PRKN: variants seen among roughly 807,000 people sequenced by gnomAD.
The protein encoded by PRKN is E3 ubiquitin-protein ligase parkin.
PRKN carries 56 observed loss-of-function variants against 59.5 expected under a neutral mutation model. That is an observed-to-expected ratio of 0.94 (90% CI 0.76 to 1.18). The LOEUF (loss-of-function observed/expected upper bound fraction) is 1.18, where lower values mean the gene tolerates loss of function less well. PRKN is among the 50% of genes most tolerant of loss of function. PRKN has a pLI of 0.00. For synonymous variants in PRKN, 250 were observed against 222.1 expected (o/e 1.13, Z -1.12); for missense variants, 657 against 596.4 (o/e 1.10, Z -1.06).
At chr6:161,506,133 C>G (rs545955853) in intron 9 of PRKN, among the ~76,000 whole-genome samples, 24 of 151,088 alleles carry the variant, frequency 1.6e-4, no homozygotes, top group African/African-American at 5.9e-4. Flanking sequence ...GCCATTTTCA[C>G]GATATTGATT....
At chr6:162,396,137 T>C (rs1437519049) in intron 2 of PRKN, among the ~76,000 whole-genome samples, 1 of 152,088 alleles carries the variant, frequency 6.6e-6, no homozygotes, top group East Asian at 1.9e-4. Flanking sequence ...GCTTTTGTTT[T>C]CACTTCCAGG....
chr6:162,407,889 C>G (rs1302238152), intron 2 of PRKN, among the ~76,000 whole-genome samples: 1 of 149,912 alleles, frequency 6.7e-6, no homozygotes, highest in Non-Finnish European at 1.5e-5. Context: ...ACTACATTTT[C>G]TATTCATTTG....
In PRKN at chr6:162,029,830, A is replaced by G. The variant is rs544939221; in HGVS notation, c.618+24261T>C. Among the ~76,000 whole-genome samples, 19 of 152,338 alleles carry G rather than the reference A, an allele frequency of 1.2e-4. 1 individual carries two copies. The South Asian group carries it at 3.5e-3, about 28-fold the overall frequency. On this transcript the variant is annotated intron_variant, in intron 5 of 11. Transcript: ENST00000366898. Reference sequence around the variant, plus strand: ...ATTATGACATCTCAGTAATTTATGAAAATAGCAAATGCTAGTCCCATGCTT... The same window carrying G: ...ATTATGACATCTCAGTAATTTATGAGAATAGCAAATGCTAGTCCCATGCTT...
intron 6 of PRKN, among the ~76,000 whole-genome samples, chr6:161,888,790 C>G (rs78031131): frequency 0.091 from 13,812 of 152,128 alleles, 893 homozygotes; most frequent in African/African-American, 0.18. Flanking sequence ...CATTAACCCT[C>G]CTAACTTTTC....
At chr6:161,639,766 G>T (rs1170397026) in intron 7 of PRKN, among the ~76,000 whole-genome samples, 1 of 152,198 alleles carries the variant, frequency 6.6e-6, no homozygotes, top group Non-Finnish European at 1.5e-5. Flanking sequence ...CTCTGTCTCA[G>T]TTGGTTCAGA....
At chr6:161,660,303 G>A (rs2128165202) in intron 7 of PRKN, among the ~76,000 whole-genome samples, 1 of 152,246 alleles carries the variant, frequency 6.6e-6, no homozygotes, top group African/African-American at 2.4e-5. Context: ...GGACTCAGAT[G>A]AGCCAGATGG....
chr6:161,404,032 T>C (rs1264196140), intron 9 of PRKN, among the ~76,000 whole-genome samples: 2 of 152,138 alleles, frequency 1.3e-5, no homozygotes, highest in Non-Finnish European at 2.9e-5. Flanking sequence ...GAGATCATTC[T>C]AGGGAGTACT....
intron 6 of PRKN, among the ~76,000 whole-genome samples, chr6:161,851,461 T>C (rs546499650): frequency 8.5e-5 from 13 of 152,214 alleles, no homozygotes; most frequent in African/African-American, 2.9e-4. Context: ...ATCACTCTTA[T>C]ATTATGCACA....
At chr6:161,472,979 T>C (rs1790866976) in intron 9 of PRKN, among the ~76,000 whole-genome samples, 1 of 152,074 alleles carries the variant, frequency 6.6e-6, no homozygotes, top group South Asian at 2.1e-4. Context: ...GGATGGCCAT[T>C]ATCAAAAAGA....
chr6:161,904,309 GTTTTT>G (rs1025317025), intron 6 of PRKN, among the ~76,000 whole-genome samples: 1 of 72,556 alleles, frequency 1.4e-5, no homozygotes, highest in African/African-American at 6.6e-5. Flanking sequence ...AATTTGTGGG[GTTTTT>G]TTTTTTTTTT....
At chr6:162,459,672 TTGTTA>T (rs2128173639) in intron 1 of PRKN, among the ~76,000 whole-genome samples, 1 of 152,222 alleles carries the variant, frequency 6.6e-6, no homozygotes, top group Non-Finnish European at 1.5e-5. Context: ...TCTTACAGAG[TTGTTA>T]TAAGTATGAA....
At chr6:162,282,199 C>A (rs1562638398) in intron 2 of PRKN, among the ~76,000 whole-genome samples, 1 of 152,100 alleles carries the variant, frequency 6.6e-6, no homozygotes, top group Non-Finnish European at 1.5e-5. Context: ...AGGTCAAAGG[C>A]AGAATTAATG....
At chr6:161,781,669 T>G (rs1156826225) in intron 7 of PRKN, among the ~76,000 whole-genome samples, 1 of 152,166 alleles carries the variant, frequency 6.6e-6, no homozygotes, top group Non-Finnish European at 1.5e-5. Context: ...TGCTAATCTT[T>G]TCTGTATCTA....
chr6:161,865,724 GT>G lies in PRKN; in HGVS notation c.735-79817del, dbSNP rs1323560721. 2.6e-5 allele frequency among the ~76,000 whole-genome samples: 4 copies of G among 152,308 alleles called. No individual in the cohort carries two copies. The Middle Eastern group carries it at 0.01, about 389-fold the overall frequency. ...GAGTTAGGGCCTTGCTCTGGATTAGGTTTTGGCTTAAGGGAGTGTTGTGGCT... is the reference window on the plus strand; with the variant it reads ...GAGTTAGGGCCTTGCTCTGGATTAGGTTTGGCTTAAGGGAGTGTTGTGGCT... On this transcript the variant is annotated intron_variant, in intron 6 of 11. Coordinates refer to ENST00000366898, the MANE Select transcript of PRKN (RefSeq NM_004562.3).
intron 6 of PRKN, among the ~76,000 whole-genome samples, chr6:161,950,271 G>A (rs1779937262): frequency 6.6e-6 from 1 of 152,208 alleles, no homozygotes; most frequent in Admixed American, 6.5e-5. Flanking sequence ...TTGGCCGGGT[G>A]TGGTGGCTTA....
intron 5 of PRKN, among the ~76,000 whole-genome samples, chr6:162,013,427 C>T (rs115247872): frequency 1.4e-3 from 213 of 152,008 alleles, no homozygotes; most frequent in African/African-American, 5.0e-3. Flanking sequence ...CAGAATCAAC[C>T]ATTTCTATGA....
intron 6 of PRKN, among the ~76,000 whole-genome samples, chr6:161,836,975 G>A (rs897639272): frequency 1.8e-4 from 28 of 152,118 alleles, no homozygotes; most frequent in South Asian, 2.1e-4. Flanking sequence ...TATGCCTCTC[G>A]TTTTCGCTCC....
intron 2 of PRKN, among the ~76,000 whole-genome samples, chr6:162,295,564 C>T (rs1954953): frequency 0.022 from 3,423 of 152,190 alleles, 66 homozygotes; most frequent in Non-Finnish European, 0.033. Context: ...AGGACTAATG[C>T]CATTAACTAA....
intron 6 of PRKN, among the ~76,000 whole-genome samples, chr6:161,911,482 T>C (rs1465149391): frequency 6.6e-6 from 1 of 152,218 alleles, no homozygotes; most frequent in East Asian, 1.9e-4. Flanking sequence ...TCAGAACTCC[T>C]GCAACTCGCC....
Sources: gnomAD v4.1 joint callset for allele counts (sites outside exome capture counted in the v4.1 genomes callset) on GRCh38, gnomAD v4.1.1 for gene constraint, MANE v1.5 for transcripts, NCBI Gene and HGNC (gene_info 2026-07-23, HGNC 2026-07-21) for gene names.